BOK: variants seen among roughly 807,000 people sequenced by gnomAD.
BOK encodes the protein bcl-2-related ovarian killer protein.
In BOK, 20 loss-of-function variants were observed where a neutral mutation model predicts 18.3. The observed-to-expected ratio is 1.09, with a 90% CI of 0.77 to 1.59. The LOEUF is 1.59. Among genes scored for constraint, BOK ranks in the 40% most tolerant of loss-of-function variants. The pLI is 0.00. For missense variants in BOK, 348 were observed against 307.9 expected (o/e 1.13, Z -0.97); for synonymous variants, 173 against 142.4 (o/e 1.21, Z -1.53).
rs1042789484 is a variant in BOK at position 241,562,110 on chromosome 2, C to T, written c.221-238C>T. On this transcript the variant is annotated intron_variant, in intron 2 of 4. Transcript: ENST00000318407. This position sits in a 1 kb window ranked among gnomAD's most constrained non-coding sequence, Gnocchi z 4.5. ...CTTAGGGGCTGGCTCGTCAGAGGGGCGGGACTGGGGGCGCCTTCAGTACTT... is the reference window on the plus strand; with the variant it reads ...CTTAGGGGCTGGCTCGTCAGAGGGGTGGGACTGGGGGCGCCTTCAGTACTT... Among the ~76,000 whole-genome samples the T allele has an allele frequency of 1.3e-5, 2 of 152,308 alleles. No individual in the cohort carries two copies. The highest frequency in any genetic ancestry group is 1.5e-5 in the Non-Finnish European group (1 of 68,014).
intron 3 of BOK, among the ~76,000 whole-genome samples, chr2:241,564,762 T>G (rs1231668286): frequency 6.6e-6 from 1 of 151,702 alleles, no homozygotes. Context: ...AGCCCTCCCT[T>G]GGCCGACGCC....
chr2:241,564,308 C>T (rs1359849574), intron 3 of BOK, among the ~76,000 whole-genome samples: 1 of 152,138 alleles, frequency 6.6e-6, no homozygotes, highest in Non-Finnish European at 1.5e-5. Flanking sequence ...GGAGGCGGAA[C>T]CAAGCTGGGT....
At position 241,572,783 on chromosome 2, in the gene BOK, C is replaced by A; in HGVS notation, c.*361C>A. The A allele has an allele frequency of 3.8e-6, 1 of 262,382 alleles. No homozygotes were observed. Among genetic ancestry groups the A allele is most frequent in the Non-Finnish European group, 7.4e-6 (1 of 134,824 alleles). 16.3% of individuals were successfully genotyped at this position (262,382 alleles called of 1,614,324 possible). On this transcript the variant is annotated 3_prime_UTR_variant, in exon 5 of 5. Transcript: ENST00000318407. ...CACCTGAGCCCCAGGTGAAGGGGCC[C>A]GGGAACACCTGCTCTCACCTGAGCC... is the stretch of plus-strand genomic sequence containing the variant.
chr2:241,558,221 ATAAT>A (rs2066470394), upstream of BOK, among the ~76,000 whole-genome samples: 1 of 152,182 alleles, frequency 6.6e-6, no homozygotes, highest in African/African-American at 2.4e-5. Flanking sequence ...ACCATTCACA[ATAAT>A]TAATATGTAA....
upstream of BOK, among the ~76,000 whole-genome samples, chr2:241,558,095 G>T (rs2066469194): frequency 2.8e-5 from 2 of 71,948 alleles, no homozygotes; most frequent in Admixed American, 3.4e-4. Flanking sequence ...GCTGATTTAT[G>T]TTGAGATGTT....
At chr2:241,553,882 A>C (rs2066432094), upstream of BOK, among the ~76,000 whole-genome samples, 2 of 152,124 alleles carry the variant, frequency 1.3e-5, no homozygotes, top group African/African-American at 2.4e-5. Context: ...AAGTCACTGG[A>C]GACAGGGAGG....
At chr2:241,560,235 G>A (rs2066506720) in intron 2 of BOK, 2 of 985,418 alleles carry the variant, frequency 2.0e-6, no homozygotes, top group South Asian at 4.7e-5. Context: ...GGTCACACAC[G>A]GTCCACTGGC....
chr2:241,565,074 T>A (rs538069679), intron 3 of BOK, among the ~76,000 whole-genome samples: 4 of 152,234 alleles, frequency 2.6e-5, no homozygotes, highest in African/African-American at 9.6e-5. Context: ...GGCACACAGC[T>A]GACGGGGAAT....
intron 3 of BOK, among the ~76,000 whole-genome samples, chr2:241,563,884 A>T (rs967322902): frequency 5.3e-5 from 8 of 151,990 alleles, no homozygotes; most frequent in African/African-American, 1.9e-4. Flanking sequence ...AGAGGCCAGG[A>T]GTGTGAGGAC....
chr2:241,569,415 GC>G (rs1379164518), intron 3 of BOK, among the ~76,000 whole-genome samples: 1 of 152,240 alleles, frequency 6.6e-6, no homozygotes, highest in Non-Finnish European at 1.5e-5. Flanking sequence ...CCAGGCGTGA[GC>G]CACCGCGCCT....
chr2:241,559,610 C>A lies in BOK; in HGVS notation c.127C>A (p.Leu43Met). The A allele has an allele frequency of 6.8e-7, 1 of 1,479,050 alleles. No individual in the cohort carries two copies. Among genetic ancestry groups the A allele is most frequent in the Non-Finnish European group, 8.9e-7 (1 of 1,121,902 alleles). The allele number at this position is 1,479,050 out of a possible 1,614,324, so 91.6% of individuals were successfully genotyped here. ...ALGREYVHAR[L>M]LRAGLSWSAP... is the part of the protein sequence containing the mutation. Reference sequence around the variant, plus strand: ...GGGCCGGGAGTACGTGCACGCGCGGCTGCTGCGCGCCGGCCTCTCCTGGAG... The same window carrying A: ...GGGCCGGGAGTACGTGCACGCGCGGATGCTGCGCGCCGGCCTCTCCTGGAG... Residue 43 changes from leucine (L) to methionine (M), a missense_variant, in exon 2 of 5, where the codon CTG becomes ATG. Leu to Met is a conservative substitution (Grantham distance 15). Transcript: ENST00000318407.
Position 241,559,575 on chromosome 2 carries a change from C to T in BOK, c.92C>T (p.Ala31Val), listed in dbSNP as rs901369027. Residue 31 changes from alanine (A) to valine (V), a missense_variant, in exon 2 of 5, where the codon GCC becomes GTC. Transcript: ENST00000318407. ...ACAGACAAGGAGCTGGTGGCCCAGG[C>T]CAAGGCGCTGGGCCGGGAGTACGTG... ...SPTDKELVAQ[A>V]KALGREYVHA... 5.3e-6 allele frequency: 8 copies of T among 1,523,678 alleles called. No individual in the cohort carries two copies. Among genetic ancestry groups the T allele is most frequent in the Non-Finnish European group, 7.0e-6 (8 of 1,144,808 alleles). 94.4% of individuals were successfully genotyped at this position (1,523,678 alleles called of 1,614,324 possible).
chr2:241,571,690 ACAGGTCCAGGCTG>A (rs1415681386), intron 4 of BOK, among the ~76,000 whole-genome samples: 1 of 152,218 alleles, frequency 6.6e-6, no homozygotes, highest in Non-Finnish European at 1.5e-5. Context: ...CGCCAAGGCC[ACAGGTCCAGGCTG>A]CAGGGAAAAG....
chr2:241,569,627 T>G (rs2066674551), intron 3 of BOK, among the ~76,000 whole-genome samples: 1 of 152,178 alleles, frequency 6.6e-6, no homozygotes, highest in Non-Finnish European at 1.5e-5. Flanking sequence ...TGTTGAGGCG[T>G]CGTGTCCTGC....
upstream of BOK, among the ~76,000 whole-genome samples, chr2:241,556,315 T>C (rs867714509): frequency 1.3e-5 from 2 of 152,248 alleles, no homozygotes; most frequent in Non-Finnish European, 2.9e-5. Flanking sequence ...CTGGGCGCTG[T>C]GGCTTACGCC....
chr2:241,573,356 CCT>C lies in BOK; in HGVS notation c.*938_*939del, dbSNP rs1399547713. ...CCCCAGGTGAAGGGGCCCGGGAACA[CCT>C]CTCACCTGAACCCGGGGGTCCCATC... On this transcript the variant is annotated 3_prime_UTR_variant, in exon 5 of 5. Transcript: ENST00000318407. 6.6e-6 allele frequency: 1 copy of C among 151,760 alleles called. No individual in the cohort carries two copies. Among genetic ancestry groups the C allele is most frequent in the Non-Finnish European group, 1.5e-5 (1 of 67,956 alleles). 9.4% of individuals were successfully genotyped at this position (151,760 alleles called of 1,614,324 possible).
Position 241,559,561 on chromosome 2 carries a change from G to A in BOK, c.78G>A (p.Glu26=), listed in dbSNP as rs1208894014. 2 of 1,529,158 alleles carry A rather than the reference G, an allele frequency of 1.3e-6. No individual in the cohort carries two copies. The highest frequency in any genetic ancestry group is 2.0e-5 in the Admixed American group (1 of 50,972). The allele number at this position is 1,529,158 out of a possible 1,614,324, so 94.7% of individuals were successfully genotyped here. A position where few individuals can be genotyped will look rare whatever the true frequency, so the allele number is the denominator to read the frequency against. Residue 26 remains glutamate (E), a synonymous_variant, in exon 2 of 5, where the codon GAG becomes GAA. Coordinates refer to ENST00000318407, the MANE Select transcript of BOK (RefSeq NM_032515.5). ...TTGACCGCTCGCCCACAGACAAGGA[G>A]CTGGTGGCCCAGGCCAAGGCGCTGG... ...DAFDRSPTDK[E]LVAQAKALGR...
intron 2 of BOK, among the ~76,000 whole-genome samples, chr2:241,561,065 A>T (rs979504018): frequency 6.6e-6 from 1 of 152,146 alleles, no homozygotes; most frequent in Non-Finnish European, 1.5e-5. Context: ...GGGAATTTCC[A>T]TGTCGTCCCC....
At chr2:241,555,566 G>A (rs910548678), upstream of BOK, among the ~76,000 whole-genome samples, 5 of 151,838 alleles carry the variant, frequency 3.3e-5, no homozygotes, top group South Asian at 2.1e-4. Context: ...TAGTAGAAAC[G>A]GAGTCTCACC....
Sources: gnomAD v4.1 joint callset for allele counts (sites outside exome capture counted in the v4.1 genomes callset) on GRCh38, gnomAD v4.1.1 for gene constraint, Gnocchi (gnomAD v3.1) non-coding constraint, MANE v1.5 for transcripts, NCBI Gene and HGNC (gene_info 2026-07-23, HGNC 2026-07-21) for gene names.